The following HYDIN variants were observed in gnomAD, a reference collection of about 807,000 sequenced individuals.
HYDIN encodes the protein axonemal central pair apparatus protein HYDIN.
Under a neutral mutation model 403.9 loss-of-function variants are expected in HYDIN, and 132 were observed. That is an observed-to-expected ratio of 0.33 (90% CI 0.28 to 0.38). The LOEUF is 0.38. Ranked by LOEUF, HYDIN falls within the 10% of genes least tolerant of loss-of-function variation. The pLI is 1.00. For synonymous variants in HYDIN, 1,202 were observed against 1,891.7 expected, an observed-to-expected ratio of 0.64 and a Z score of 9.46; for missense variants, 2,827 against 5,009.5, an observed-to-expected ratio of 0.56 and a Z score of 13.15.
intron 66 of HYDIN, among the ~76,000 whole-genome samples, chr16:70,868,276 GA>G (rs1178017236): frequency 6.8e-6 from 1 of 147,224 alleles, no homozygotes; most frequent in Non-Finnish European, 1.5e-5. Flanking sequence ...AGGGAAAAGG[GA>G]AACAACTAAA....
chr16:71,012,260 G>A (rs1229354796), intron 23 of HYDIN, among the ~76,000 whole-genome samples: 3 of 152,280 alleles, frequency 2.0e-5, no homozygotes, highest in African/African-American at 7.2e-5. Flanking sequence ...CTCCTGCAGC[G>A]ACAGCTGTGT....
At chr16:71,224,797 G>C (rs922927791) in intron 1 of HYDIN, among the ~76,000 whole-genome samples, 1 of 151,918 alleles carries the variant, frequency 6.6e-6, no homozygotes, top group African/African-American at 2.4e-5. Flanking sequence ...TCCTGACCTC[G>C]TGATCCGCCC....
At chr16:71,105,896 T>G (rs2144422959) in intron 10 of HYDIN, among the ~76,000 whole-genome samples, 1 of 104,264 alleles carries the variant, frequency 9.6e-6, no homozygotes, top group Admixed American at 1.1e-4. Context: ...GATCAAACCA[T>G]CAGCAAGTCT....
intron 1 of HYDIN, among the ~76,000 whole-genome samples, chr16:71,202,257 C>T (rs1049287371): frequency 6.6e-6 from 1 of 152,138 alleles, no homozygotes; most frequent in Non-Finnish European, 1.5e-5. Context: ...TTAAGCTAAT[C>T]TATTTTATAA....
intron 36 of HYDIN, among the ~76,000 whole-genome samples, chr16:70,965,646 T>A (rs1381088648): frequency 3.9e-5 from 6 of 152,084 alleles, no homozygotes; most frequent in African/African-American, 1.2e-4. Context: ...TTTATTGGTA[T>A]CAAAAATCTG....
chr16:70,954,975 C>T (rs1353169399), intron 40 of HYDIN, among the ~76,000 whole-genome samples: 1 of 152,148 alleles, frequency 6.6e-6, no homozygotes, highest in Admixed American at 6.5e-5. Context: ...AACCCATTTC[C>T]TTGAAAACTT....
intron 12 of HYDIN, among the ~76,000 whole-genome samples, chr16:71,087,206 T>C (rs894448746): frequency 3.3e-5 from 5 of 152,140 alleles, no homozygotes; most frequent in Admixed American, 2.0e-4. Context: ...CCTTAGTTGT[T>C]GGGGGTTGTA....
chr16:71,068,377 GA>G (rs2082344721), intron 14 of HYDIN, among the ~76,000 whole-genome samples: 2 of 151,922 alleles, frequency 1.3e-5, no homozygotes, highest in Non-Finnish European at 2.9e-5. Context: ...GATCAGGAGG[GA>G]AAACTGGAGC....
chr16:70,985,109 C>T, intron 28 of HYDIN, 76 bp downstream of exon 28: 1 of 1,219,196 alleles, frequency 8.2e-7, no homozygotes, highest in African/African-American at 1.5e-5. Context: ...CACTTGTAAT[C>T]CTGGTCGTGA....
chr16:70,844,253 T>C (rs1215208611), intron 75 of HYDIN, among the ~76,000 whole-genome samples: 1 of 131,238 alleles, frequency 7.6e-6, no homozygotes, highest in East Asian at 2.1e-4. Flanking sequence ...GTTTCAGCTT[T>C]CTACATATGG....
intron 41 of HYDIN, among the ~76,000 whole-genome samples, chr16:70,948,714 C>T (rs1387574306): frequency 3.3e-5 from 5 of 151,918 alleles, no homozygotes; most frequent in East Asian, 3.9e-4. Flanking sequence ...AAAATGCTCA[C>T]CATCACTGGC....
chr16:71,038,471 T>G (rs2081172172), intron 18 of HYDIN, among the ~76,000 whole-genome samples: 1 of 151,776 alleles, frequency 6.6e-6, no homozygotes, highest in South Asian at 2.1e-4. Flanking sequence ...ATTGTGCACT[T>G]TTCTTCCAAA....
At chr16:70,834,923 C>T (rs1315323344) in intron 78 of HYDIN, among the ~76,000 whole-genome samples, 1 of 145,932 alleles carries the variant, frequency 6.9e-6, no homozygotes, top group African/African-American at 2.5e-5. Flanking sequence ...TATATACACA[C>T]ATATATGTAT....
chr16:71,032,350 T>C (rs1180733732), intron 18 of HYDIN, among the ~76,000 whole-genome samples: 1 of 150,820 alleles, frequency 6.6e-6, no homozygotes, highest in Admixed American at 6.6e-5. Context: ...AAGAAACGTT[T>C]TTCAAATGCA....
intron 10 of HYDIN, among the ~76,000 whole-genome samples, chr16:71,109,469 G>T (rs555035179): frequency 1.5e-5 from 2 of 135,852 alleles, no homozygotes; most frequent in Non-Finnish European, 2.9e-5. Flanking sequence ...ACAAAACAAG[G>T]GAAGGAGATT....
intron 15 of HYDIN, among the ~76,000 whole-genome samples, 168 bp from the exon 16 acceptor site, chr16:71,065,008 GC>G (rs1364630053): frequency 6.6e-6 from 1 of 152,082 alleles, no homozygotes; most frequent in Non-Finnish European, 1.5e-5. Flanking sequence ...CTGTCTCTTG[GC>G]CCCCAGTCAC....
chr16:71,206,691 C>T (rs1174654425), intron 1 of HYDIN, among the ~76,000 whole-genome samples: 1 of 152,126 alleles, frequency 6.6e-6, no homozygotes, highest in East Asian at 1.9e-4. Flanking sequence ...TAAAACAATA[C>T]AGAGCTGACA....
At chr16:71,130,754 C>T (rs1473436224) in intron 8 of HYDIN, among the ~76,000 whole-genome samples, 1 of 152,088 alleles carries the variant, frequency 6.6e-6, no homozygotes, top group Non-Finnish European at 1.5e-5. Context: ...TCCCAAAGTG[C>T]TGGGATTACA....
chr16:71,062,078 T>C, intron 17 of HYDIN, 91 bp downstream of exon 17: 1 of 1,117,558 alleles, frequency 8.9e-7, no homozygotes, highest in Non-Finnish European at 1.3e-6. Context: ...GGGGTGTATG[T>C]GAATATGGTG....
Sources: allele counts gnomAD v4.1 joint callset (sites outside exome capture counted in the v4.1 genomes callset), GRCh38; gene constraint gnomAD v4.1.1; transcripts MANE v1.5; gene names NCBI Gene and HGNC (gene_info 2026-07-23, HGNC 2026-07-21).